The following ST8SIA2 variants were observed in gnomAD, a reference collection of about 807,000 sequenced individuals.
The protein encoded by ST8SIA2 is alpha-2,8-sialyltransferase 8B.
Under a neutral mutation model 37.6 loss-of-function variants are expected in ST8SIA2, and 22 were observed. That is an observed-to-expected ratio of 0.58 (90% CI 0.42 to 0.83). The LOEUF (loss-of-function observed/expected upper bound fraction) is 0.83, where lower values mean the gene tolerates loss of function less well. Ranked by LOEUF, ST8SIA2 falls within the 40% of genes least tolerant of loss-of-function variation. The pLI, the probability that ST8SIA2 is intolerant of heterozygous loss-of-function variation, is 0.00. For missense variants in ST8SIA2, 382 were observed against 484.7 expected (o/e 0.79, Z 1.99); for synonymous variants, 205 against 201.2 (o/e 1.02, Z -0.16).
intron 1 of ST8SIA2, among the ~76,000 whole-genome samples, chr15:92,419,389 G>C (rs139502041): frequency 6.6e-6 from 1 of 152,306 alleles, no homozygotes; most frequent in Non-Finnish European, 1.5e-5. Flanking sequence ...TTCTACAGGA[G>C]AGGGTCATCT....
intron 3 of ST8SIA2, among the ~76,000 whole-genome samples, chr15:92,435,772 C>T (rs949170852): frequency 1.2e-4 from 18 of 152,216 alleles, no homozygotes; most frequent in African/African-American, 2.4e-4. Flanking sequence ...CCCTCCATCC[C>T]CCTCACGAAG....
chr15:92,416,362 G>T (rs2049586744), intron 1 of ST8SIA2, among the ~76,000 whole-genome samples: 1 of 151,990 alleles, frequency 6.6e-6, no homozygotes, highest in South Asian at 2.1e-4. Flanking sequence ...TGGGTGGGAG[G>T]TGTGTGGAGG....
At chr15:92,434,516 A>T in intron 3 of ST8SIA2, 141 bp downstream of exon 3, 1 of 1,300,656 alleles carries the variant, frequency 7.7e-7, no homozygotes, top group Middle Eastern at 2.6e-4. Context: ...TCTGTAAGTG[A>T]TCAATCGGAA....
chr15:92,403,569 C>T (rs2049486473), intron 1 of ST8SIA2, among the ~76,000 whole-genome samples: 1 of 152,090 alleles, frequency 6.6e-6, no homozygotes, highest in African/African-American at 2.4e-5. Flanking sequence ...TTGAGCTTCC[C>T]CAGTTCTAAT....
At chr15:92,462,537 G>C (rs948415417) in intron 5 of ST8SIA2, among the ~76,000 whole-genome samples, 1 of 152,150 alleles carries the variant, frequency 6.6e-6, no homozygotes, top group African/African-American at 2.4e-5. Flanking sequence ...ATATTAAACA[G>C]TTTCATCTTT....
chr15:92,464,440 G>A lies in ST8SIA2; in HGVS notation c.*55G>A. 2 of 1,599,700 alleles carry A rather than the reference G, an allele frequency of 1.3e-6. No individual in the cohort carries two copies. The highest frequency in any genetic ancestry group is 1.7e-6 in the Non-Finnish European group (2 of 1,168,558). Reference sequence around the variant, plus strand: ...ACATTTCCTGCCAGCTACACCACAGGCAGATGGGAGTCGGGGTGGCACAAA... The same window carrying A: ...ACATTTCCTGCCAGCTACACCACAGACAGATGGGAGTCGGGGTGGCACAAA... On this transcript the variant is annotated 3_prime_UTR_variant, in exon 6 of 6. Coordinates refer to ENST00000268164, the MANE Select transcript of ST8SIA2 (RefSeq NM_006011.4).
intron 2 of ST8SIA2, among the ~76,000 whole-genome samples, chr15:92,432,338 G>C (rs963492080): frequency 6.6e-6 from 1 of 152,204 alleles, no homozygotes; most frequent in Admixed American, 6.5e-5. Context: ...CATAGAAGTT[G>C]GTGGTATCAA....
In ST8SIA2 at chr15:92,425,967, C is replaced by T. The variant is rs186794036; in HGVS notation, c.99-4082C>T. Among the ~76,000 whole-genome samples, 409 of 152,158 alleles carry T rather than the reference C, an allele frequency of 2.7e-3. 2 individuals are homozygous for T. Among genetic ancestry groups the T allele is most frequent in the African/African-American group, 9.1e-3 (378 of 41,516 alleles). ...ACCCTGAGAGGGGCAGTTTCTCCAG[C>T]GTCAGAAAAGCCCCAGATGTCAAAG... On this transcript the variant is annotated intron_variant, in intron 1 of 5. Coordinates refer to ENST00000268164, the MANE Select transcript of ST8SIA2 (RefSeq NM_006011.4).
chr15:92,404,539 G>A (rs2049493654), intron 1 of ST8SIA2, among the ~76,000 whole-genome samples: 1 of 152,042 alleles, frequency 6.6e-6, no homozygotes, highest in South Asian at 2.1e-4. Context: ...TTGAAAGCAG[G>A]GGCCAGGTGT....
At chr15:92,396,586 C>T (rs575746801) in intron 1 of ST8SIA2, among the ~76,000 whole-genome samples, 3 of 151,940 alleles carry the variant, frequency 2.0e-5, no homozygotes, top group Admixed American at 6.6e-5. Context: ...CTCCGCCTCC[C>T]GGGTTCAAGC....
intron 1 of ST8SIA2, among the ~76,000 whole-genome samples, chr15:92,427,182 C>T (rs544200605): frequency 3.4e-5 from 5 of 147,674 alleles, no homozygotes; most frequent in Non-Finnish European, 7.4e-5. Context: ...ATCAAAACAT[C>T]ATGTTACGCA....
intron 5 of ST8SIA2, among the ~76,000 whole-genome samples, chr15:92,455,585 TC>T (rs1207783490): frequency 6.6e-6 from 1 of 152,158 alleles, no homozygotes; most frequent in Admixed American, 6.5e-5. Context: ...TGGAAAGTAT[TC>T]CCTATTGACA....
intron 5 of ST8SIA2, among the ~76,000 whole-genome samples, chr15:92,454,277 G>A (rs4777985): frequency 2.6e-5 from 4 of 151,972 alleles, no homozygotes; most frequent in East Asian, 3.9e-4. Context: ...CCATCTTCTT[G>A]TTCCCATGGC....
In ST8SIA2 at chr15:92,440,491, C is replaced by T. The variant is rs767021536; in HGVS notation, c.548+1881C>T. 3.9e-5 allele frequency among the ~76,000 whole-genome samples: 6 copies of T among 152,118 alleles called. No individual in the cohort carries two copies. In the South Asian group the frequency reaches 1.2e-3, roughly 31 times the overall value. On this transcript the variant is annotated intron_variant, in intron 4 of 5. Coordinates refer to ENST00000268164, the MANE Select transcript of ST8SIA2 (RefSeq NM_006011.4). The stretch of plus-strand genomic sequence containing the variant: ...CCTGGGAGTCACGTCCACACCCATC[C>T]ACACATACTTGGAAAATATGGGTCA...
At chr15:92,459,919 T>C (rs2049945900) in intron 5 of ST8SIA2, among the ~76,000 whole-genome samples, 1 of 152,216 alleles carries the variant, frequency 6.6e-6, no homozygotes, top group Non-Finnish European at 1.5e-5. Flanking sequence ...TCCTGATTTC[T>C]AATACAGAAA....
chr15:92,396,642 T>A (rs7179972), intron 1 of ST8SIA2, among the ~76,000 whole-genome samples: 149,512 of 152,042 alleles, frequency 0.98, 73,510 homozygotes, highest in Middle Eastern at 1. Context: ...TACAGGCACC[T>A]GCCACCACAC....
rs185607830 is a variant in ST8SIA2 at position 92,425,128 on chromosome 15, C to G, written c.99-4921C>G. Among the ~76,000 whole-genome samples, 9 of 152,326 alleles carry G rather than the reference C, an allele frequency of 5.9e-5. No homozygotes were observed. The East Asian group carries it at 1.7e-3, about 29-fold the overall frequency. On this transcript the variant is annotated intron_variant, in intron 1 of 5. Coordinates refer to ENST00000268164, the MANE Select transcript of ST8SIA2 (RefSeq NM_006011.4). ...CAAATGTTTCTTACCCGATCATCTT[C>G]TATCAATCAACCAGGCAGGTATCAG...
chr15:92,394,103 C>G lies in ST8SIA2; in HGVS notation c.39C>G (p.Leu13=). The G allele has an allele frequency of 6.4e-7, 1 of 1,558,720 alleles. No individual in the cohort carries two copies. The highest frequency in any genetic ancestry group is 1.2e-5 in the South Asian group (1 of 84,566). The part of the protein sequence containing the change: ...LQFRSWMLAA[L]TLLVVFLIFA... Reference sequence around the variant, plus strand: ...TCCGGAGCTGGATGCTGGCCGCGCTCACGCTGCTCGTGGTCTTCCTCATCT... The same window carrying G: ...TCCGGAGCTGGATGCTGGCCGCGCTGACGCTGCTCGTGGTCTTCCTCATCT... Residue 13 remains leucine, a synonymous_variant, in exon 1 of 6, where the codon CTC becomes CTG. Transcript: ENST00000268164.
chr15:92,434,571 C>T (rs2049741771), intron 3 of ST8SIA2, among the ~76,000 whole-genome samples, 196 bp downstream of exon 3: 1 of 150,708 alleles, frequency 6.6e-6, no homozygotes, highest in South Asian at 2.1e-4. Context: ...GTGTATGTGG[C>T]GACTGGGGCC....
Sources: gnomAD v4.1 joint callset for allele counts (sites outside exome capture counted in the v4.1 genomes callset) on GRCh38, gnomAD v4.1.1 for gene constraint, MANE v1.5 for transcripts, NCBI Gene and HGNC (gene_info 2026-07-23, HGNC 2026-07-21) for gene names.